N4BP2: variants seen among roughly 807,000 people sequenced by gnomAD.
N4BP2 encodes the protein NEDD4 binding protein 2, also known as NEDD4-binding protein 2.
N4BP2 carries 91 observed loss-of-function variants against 152.8 expected under a neutral mutation model. The ratio of observed to expected loss-of-function variants is 0.60; its 90% confidence interval spans 0.50 to 0.71. The LOEUF (loss-of-function observed/expected upper bound fraction) is 0.71. Among genes scored for constraint, N4BP2 ranks in the 30% least tolerant of loss-of-function variants. The pLI is 0.00. For synonymous variants in N4BP2, 646 were observed against 705.3 expected, an observed-to-expected ratio of 0.92 and a Z score of 1.33; for missense variants, 1,923 against 2,059.1, an observed-to-expected ratio of 0.93 and a Z score of 1.28.
intron 13 of N4BP2, among the ~76,000 whole-genome samples, chr4:40,136,334 T>C (rs1246669359): frequency 7.1e-6 from 1 of 140,682 alleles, no homozygotes; most frequent in Non-Finnish European, 1.6e-5. Flanking sequence ...TATAAAGGAT[T>C]AGAAATTGAA....
Position 40,102,186 on chromosome 4 carries a change from G to A in N4BP2, c.341G>A (p.Ser114Asn). The change falls in exon 4 of 18, where the codon AGT (serine) becomes AAT (asparagine). Residue 114 changes from serine to asparagine, a missense_variant. Physicochemically the swap from Ser to Asn is conservative, Grantham distance 46. Transcript: ENST00000261435. ...ASENQVGAAESKIMEKRPEEE... is the reference protein window; with the variant it reads ...ASENQVGAAENKIMEKRPEEE... ...GAGAACCAAGTAGGTGCAGCAGAAA[G>A]TAAAATAATGGAAAAACGTCCTGAA... is the stretch of plus-strand genomic sequence containing the variant. The A allele has an allele frequency of 6.2e-7, 1 of 1,613,928 alleles. No individual in the cohort carries two copies. The highest frequency in any genetic ancestry group is 8.5e-7 in the Non-Finnish European group (1 of 1,179,932).
At position 40,102,466 on chromosome 4, in the gene N4BP2, T is replaced by G; in HGVS notation, c.621T>G (p.Gly207=). 8 of 1,613,820 alleles carry G rather than the reference T, an allele frequency of 5.0e-6. No homozygotes were observed. The highest frequency in any genetic ancestry group is 6.8e-6 in the Non-Finnish European group (8 of 1,179,946). Residue 207 remains glycine (G), a synonymous_variant, in exon 4 of 18, where the codon GGT becomes GGG. Coordinates refer to ENST00000261435, the MANE Select transcript of N4BP2 (RefSeq NM_018177.6). ...NLNGENLENS[G]STLSLNPLPS... ...ACGGTGAAAATTTAGAGAATTCTGG[T>G]TCTACTTTAAGTTTAAACCCATTAC...
chr4:40,090,598 T>C (rs1437705439), intron 2 of N4BP2, among the ~76,000 whole-genome samples: 2 of 152,120 alleles, frequency 1.3e-5, no homozygotes, highest in East Asian at 1.9e-4. Context: ...TGTTATAATG[T>C]TGATGAGGAA....
Position 40,102,895 on chromosome 4 carries a change from C to G in N4BP2, c.1050C>G (p.Leu350=), listed in dbSNP as rs758961365. The G allele has an allele frequency of 2.5e-6, 4 of 1,614,100 alleles. No homozygotes were observed. Among genetic ancestry groups the G allele is most frequent in the Non-Finnish European group, 2.5e-6 (3 of 1,180,054 alleles). The part of the protein sequence containing the change: ...DVSYCPVLAP[L]PLLLPPPPPP... ...GTTACTGCCCGGTACTTGCTCCTCT[C>G]CCATTGCTGTTGCCTCCTCCGCCAC... The change falls in exon 4 of 18, where the codon CTC becomes CTG. Residue 350 remains leucine (L), a synonymous_variant. Coordinates refer to ENST00000261435, the MANE Select transcript of N4BP2 (RefSeq NM_018177.6).
chr4:40,083,963 T>C (rs1713663696), intron 2 of N4BP2, among the ~76,000 whole-genome samples: 2 of 152,226 alleles, frequency 1.3e-5, no homozygotes, highest in Admixed American at 1.3e-4. Flanking sequence ...GGATTTATTA[T>C]TCATTCATTC....
At chr4:40,098,839 T>G (rs1262927600) in intron 3 of N4BP2, among the ~76,000 whole-genome samples, 1 of 152,208 alleles carries the variant, frequency 6.6e-6, no homozygotes, top group Non-Finnish European at 1.5e-5. Flanking sequence ...CAGAATCTTC[T>G]ATAGACCTTG....
chr4:40,126,424 G>A, intron 12 of N4BP2, 94 bp downstream of exon 12: 1 of 598,474 alleles, frequency 1.7e-6, no homozygotes, highest in Non-Finnish European at 2.8e-6. Context: ...TTCTAGTCTA[G>A]AATCCATATT....
chr4:40,181,801 T>A, the N4BP2 span, among the ~76,000 whole-genome samples: 1 of 152,070 alleles, frequency 6.6e-6, no homozygotes, highest in African/African-American at 2.4e-5. Context: ...ATACAAAAAT[T>A]AGCCGAGCAT....
chr4:40,089,048 G>A (rs1714274048), intron 2 of N4BP2, among the ~76,000 whole-genome samples: 2 of 151,690 alleles, frequency 1.3e-5, no homozygotes, highest in African/African-American at 4.8e-5. Context: ...CCTCCCAGCT[G>A]CAAAGGATCC....
chr4:40,115,953 C>G (rs1490053548), intron 7 of N4BP2, among the ~76,000 whole-genome samples: 2 of 152,012 alleles, frequency 1.3e-5, no homozygotes, highest in African/African-American at 4.8e-5. Context: ...CCTATGTTTG[C>G]TTTACATATT....
chr4:40,148,055 G>A (rs1020263620), intron 16 of N4BP2, among the ~76,000 whole-genome samples: 1 of 152,180 alleles, frequency 6.6e-6, no homozygotes, highest in African/African-American at 2.4e-5. Flanking sequence ...GGTGGCGGCC[G>A]GGCAGAGGCT....
At position 40,121,642 on chromosome 4, in the gene N4BP2, A is replaced by G; in HGVS notation, c.3531A>G (p.Pro1177=). The G allele has an allele frequency of 1.2e-6, 2 of 1,614,184 alleles. No homozygotes were observed. The highest frequency in any genetic ancestry group is 8.5e-7 in the Non-Finnish European group (1 of 1,180,018). ...GTLENSNSPV[P]EFSHGIGISN... ...TAGAGAATTCTAATTCTCCTGTGCCAGAGTTTAGCCATGGGATTGGTATTA... is the reference window on the plus strand; with the variant it reads ...TAGAGAATTCTAATTCTCCTGTGCCGGAGTTTAGCCATGGGATTGGTATTA... The change falls in exon 9 of 18, where the codon CCA becomes CCG. Residue 1177 remains proline (P), a synonymous_variant. Coordinates refer to ENST00000261435, the MANE Select transcript of N4BP2 (RefSeq NM_018177.6).
At chr4:40,124,545 C>T (rs1464641177) in intron 11 of N4BP2, among the ~76,000 whole-genome samples, 3 of 152,066 alleles carry the variant, frequency 2.0e-5, no homozygotes, top group Non-Finnish European at 4.4e-5. Flanking sequence ...CGGGGTTTCA[C>T]CATATTGGTC....
chr4:40,105,858 A>G (rs909398571), intron 4 of N4BP2, among the ~76,000 whole-genome samples: 1 of 152,176 alleles, frequency 6.6e-6, no homozygotes, highest in East Asian at 1.9e-4. Context: ...GCCTAGTTAG[A>G]ATTTTTAAAG....
chr4:40,169,963 C>CAAAAAA, the N4BP2 span, among the ~76,000 whole-genome samples: 2 of 45,840 alleles, frequency 4.4e-5, no homozygotes, highest in Non-Finnish European at 1.0e-4. Context: ...GACTCAATCT[C>CAAAAAA]AAAAAAAAAA....
At chr4:40,178,426 C>A in the N4BP2 span, among the ~76,000 whole-genome samples, 13 of 148,890 alleles carry the variant, frequency 8.7e-5, no homozygotes, top group Non-Finnish European at 1.0e-4. Context: ...GCCACCAAAA[C>A]AAAAAAAAAA....
rs539891404 is a variant in N4BP2 at position 40,062,481 on chromosome 4, G to C, written c.-212+5451G>C. On this transcript the variant is annotated intron_variant, in intron 1 of 17. Transcript: ENST00000261435. ...CAATGCATTTTTCCCACTGTAGCTA[G>C]AGTAATCTGTCTAACACATTACTCC... Among the ~76,000 whole-genome samples, 86 of 151,808 alleles carry C rather than the reference G, an allele frequency of 5.7e-4. 3 individuals are homozygous for C. The South Asian group carries it at 0.018, about 31-fold the overall frequency.
chr4:40,104,539 A>G (rs1716057468), intron 4 of N4BP2, among the ~76,000 whole-genome samples: 1 of 152,074 alleles, frequency 6.6e-6, no homozygotes, highest in Non-Finnish European at 1.5e-5. Context: ...TAATAACAAC[A>G]ACAACATAAA....
chr4:40,130,837 G>C (rs2110013544), intron 12 of N4BP2, among the ~76,000 whole-genome samples: 1 of 152,134 alleles, frequency 6.6e-6, no homozygotes, highest in Non-Finnish European at 1.5e-5. Flanking sequence ...TCAGACATCA[G>C]CATTTTTGTA....
Sources: allele counts gnomAD v4.1 joint callset (sites outside exome capture counted in the v4.1 genomes callset), GRCh38; gene constraint gnomAD v4.1.1; transcripts MANE v1.5; gene names NCBI Gene and HGNC (gene_info 2026-07-23, HGNC 2026-07-21).